PSEN1: variants seen among roughly 807,000 people sequenced by gnomAD.
PSEN1 encodes presenilin 1.
A neutral mutation model predicts 53.5 loss-of-function variants in PSEN1; 15 were observed. The observed-to-expected ratio is 0.28, with a 90% CI of 0.19 to 0.43. The LOEUF (loss-of-function observed/expected upper bound fraction) is 0.43, where lower values mean the gene tolerates loss of function less well. Ranked by LOEUF, PSEN1 falls within the 20% of genes least tolerant of loss-of-function variation. The probability of loss-of-function intolerance (pLI) is 1.00; values close to 1 mark genes in which losing one functional copy is unlikely to be tolerated. For synonymous variants in PSEN1, 208 were observed against 209.8 expected, an observed-to-expected ratio of 0.99 and a Z score of 0.08; for missense variants, 387 against 571.2, an observed-to-expected ratio of 0.68 and a Z score of 3.29.
chr14:73,217,439 AAACTGT>A (rs1899962508), intron 11 of PSEN1, among the ~76,000 whole-genome samples, 195 bp downstream of exon 11: 1 of 152,164 alleles, frequency 6.6e-6, no homozygotes, highest in Non-Finnish European at 1.5e-5. Flanking sequence ...GGAGCTTTTA[AAACTGT>A]AAGCTCTGCC....
chr14:73,187,492 A>G (rs1018842301), intron 6 of PSEN1, among the ~76,000 whole-genome samples: 1 of 152,328 alleles, frequency 6.6e-6, no homozygotes, highest in Admixed American at 6.5e-5. Flanking sequence ...TAAATTGGAG[A>G]GTTATTTCTT....
At chr14:73,178,220 T>C (rs10134874) in intron 5 of PSEN1, among the ~76,000 whole-genome samples, 81 of 117,500 alleles carry the variant, frequency 6.9e-4, no homozygotes, top group African/African-American at 3.5e-3. Context: ...CACCCGGCCC[T>C]TTTTTTTTTT....
Position 73,170,854 on chromosome 14 carries a change from C to G in PSEN1, c.145C>G (p.Pro49Ala), listed in dbSNP as rs200373970. ...NDRRSLGHPEPLSNGRPQGNS... is the reference protein window; with the variant it reads ...NDRRSLGHPEALSNGRPQGNS... The stretch of plus-strand genomic sequence containing the variant: ...CAGACGGAGCCTTGGCCACCCTGAG[C>G]CATTATCTAATGGACGACCCCAGGG... The change falls in exon 4 of 12, where the codon CCA becomes GCA. Residue 49 changes from proline (P) to alanine (A), a missense_variant. By Grantham distance (27) the Pro-to-Ala change is conservative. Transcript: ENST00000324501. 3.7e-5 allele frequency: 60 copies of G among 1,614,028 alleles called. No individual in the cohort carries two copies. In the African/African-American group the frequency reaches 7.5e-4, roughly 20 times the overall value.
intron 9 of PSEN1, among the ~76,000 whole-genome samples, chr14:73,207,806 G>A (rs1253818851): frequency 6.6e-6 from 1 of 152,214 alleles, no homozygotes; most frequent in Non-Finnish European, 1.5e-5. Flanking sequence ...GCCAGGCATG[G>A]AGCAGCGAGG....
chr14:73,174,841 C>T (rs1897999351), intron 5 of PSEN1, among the ~76,000 whole-genome samples: 1 of 152,112 alleles, frequency 6.6e-6, no homozygotes, highest in Non-Finnish European at 1.5e-5. Context: ...AGGAAAGATA[C>T]AGACCCACCC....
intron 3 of PSEN1, among the ~76,000 whole-genome samples, chr14:73,158,286 A>T (rs955346952): frequency 2.1e-5 from 2 of 95,518 alleles, no homozygotes; most frequent in Non-Finnish European, 4.6e-5. Flanking sequence ...TTTTTTTTCT[A>T]TCTATCTATC....
chr14:73,193,817 TG>T (rs1898826689), intron 7 of PSEN1, among the ~76,000 whole-genome samples: 2 of 151,926 alleles, frequency 1.3e-5, no homozygotes, highest in African/African-American at 4.8e-5. Context: ...CCACCATGCC[TG>T]ACTAACTTGT....
intron 7 of PSEN1, among the ~76,000 whole-genome samples, chr14:73,196,682 C>T (rs1446129643): frequency 4.6e-5 from 7 of 151,042 alleles, no homozygotes; most frequent in Admixed American, 4.6e-4. Context: ...GCCATCTTGG[C>T]CAGGCTGGTC....
chr14:73,170,506 G>C (rs1235637291), intron 3 of PSEN1, among the ~76,000 whole-genome samples: 2 of 152,218 alleles, frequency 1.3e-5, no homozygotes, highest in Non-Finnish European at 2.9e-5. Flanking sequence ...TTTTCATGCA[G>C]GTGTCAGTAT....
chr14:73,148,168 C>T (rs1897123049), intron 3 of PSEN1, 62 bp downstream of exon 3: 3 of 1,298,322 alleles, frequency 2.3e-6, no homozygotes, highest in Admixed American at 1.8e-5. Context: ...TCTCCCCTCA[C>T]CTCTGAGAAA....
intron 1 of PSEN1, among the ~76,000 whole-genome samples, chr14:73,141,195 T>C (rs756287473): frequency 5.3e-5 from 8 of 152,158 alleles, no homozygotes; most frequent in Non-Finnish European, 1.0e-4. Context: ...GCCAAGCCTA[T>C]AACATCACTG....
intron 4 of PSEN1, among the ~76,000 whole-genome samples, chr14:73,172,730 A>G (rs1449235249): frequency 6.6e-6 from 1 of 152,240 alleles, no homozygotes; most frequent in African/African-American, 2.4e-5. Context: ...AATAATGCAC[A>G]TACTTTCTCT....
At chr14:73,214,022 C>T (rs1262158065) in intron 10 of PSEN1, among the ~76,000 whole-genome samples, 1 of 152,114 alleles carries the variant, frequency 6.6e-6, no homozygotes, top group Non-Finnish European at 1.5e-5. Flanking sequence ...AACACAAAGA[C>T]ACATATACAA....
At chr14:73,140,031 C>A in intron 1 of PSEN1, among the ~76,000 whole-genome samples, 1 of 152,044 alleles carries the variant, frequency 6.6e-6, no homozygotes. Context: ...TCCATTTCCT[C>A]AGAATTTTAG....
chr14:73,155,290 A>T (rs539688018), intron 3 of PSEN1, among the ~76,000 whole-genome samples: 51 of 152,288 alleles, frequency 3.3e-4, no homozygotes, highest in African/African-American at 1.2e-3. Flanking sequence ...TTGGCAAATT[A>T]ACTGGCCTCG....
At chr14:73,162,954 C>T (rs1897597330) in intron 3 of PSEN1, among the ~76,000 whole-genome samples, 1 of 152,046 alleles carries the variant, frequency 6.6e-6, no homozygotes, top group South Asian at 2.1e-4. Flanking sequence ...AATGTTTTAC[C>T]TATGTATTTA....
chr14:73,185,349 A>G (rs1006512093), intron 5 of PSEN1, among the ~76,000 whole-genome samples: 5 of 152,328 alleles, frequency 3.3e-5, no homozygotes, highest in African/African-American at 1.2e-4. Context: ...TCCGTCTGCA[A>G]TCCCGGCACC....
chr14:73,216,801 A>G (rs1480662338), intron 10 of PSEN1, among the ~76,000 whole-genome samples: 1 of 152,142 alleles, frequency 6.6e-6, no homozygotes. Context: ...AATGATGCCT[A>G]TCTCAGAATT....
rs748115292 is a variant in PSEN1 at position 73,173,721 on chromosome 14, A to C, written c.480+14A>C. ...AGGTGCTATAAGGTGAGCATGAGAC[A>C]CAGATCTTTGCTTTCCACCCTGTTC... is the stretch of plus-strand genomic sequence containing the variant. On this transcript the variant is annotated intron_variant, in intron 5 of 11. Coordinates refer to ENST00000324501, the MANE Select transcript of PSEN1 (RefSeq NM_000021.4). 1.2e-6 allele frequency: 2 copies of C among 1,613,752 alleles called. No homozygotes were observed. The highest frequency in any genetic ancestry group is 1.3e-5 in the African/African-American group (1 of 74,928).
Sources: gnomAD v4.1 joint callset for allele counts (sites outside exome capture counted in the v4.1 genomes callset) on GRCh38, gnomAD v4.1.1 for gene constraint, MANE v1.5 for transcripts, NCBI Gene and HGNC (gene_info 2026-07-23, HGNC 2026-07-21) for gene names.